ATP9B: variants seen among roughly 807,000 people sequenced by gnomAD.
ATP9B encodes the protein ATPase phospholipid transporting 9B.
ATP9B carries 110 observed loss-of-function variants against 146.1 expected under a neutral mutation model. That is an observed-to-expected ratio of 0.75 (90% CI 0.65 to 0.88). ATP9B has a LOEUF of 0.88. Among genes scored for constraint, ATP9B ranks in the 40% least tolerant of loss-of-function variants. ATP9B has a pLI of 0.00. For missense variants in ATP9B, 1,499 were observed against 1,496.4 expected (o/e 1.00, Z -0.03); for synonymous variants, 604 against 569.7 (o/e 1.06, Z -0.86).
intron 8 of ATP9B, among the ~76,000 whole-genome samples, chr18:79,183,756 A>G (rs1351936943): frequency 6.8e-6 from 1 of 147,378 alleles, no homozygotes; most frequent in Non-Finnish European, 1.5e-5. Context: ...ATTATCTACC[A>G]TTTTTGGGGG....
chr18:79,225,647 A>G (rs571050706), intron 11 of ATP9B, among the ~76,000 whole-genome samples: 160 of 149,506 alleles, frequency 1.1e-3, no homozygotes, highest in Non-Finnish European at 1.8e-3. Flanking sequence ...TGGGTCCCGC[A>G]GTCGCAGGGC....
chr18:79,185,978 C>G (rs8093172), intron 8 of ATP9B, among the ~76,000 whole-genome samples: 30,176 of 152,140 alleles, frequency 0.2, 4,017 homozygotes, highest in African/African-American at 0.39. Context: ...GTAATAATAA[C>G]TGTGCTGCAG....
At chr18:79,314,414 A>G (rs1431528891) in intron 15 of ATP9B, among the ~76,000 whole-genome samples, 2 of 152,242 alleles carry the variant, frequency 1.3e-5, no homozygotes, top group Non-Finnish European at 2.9e-5. Context: ...ACACATGTGC[A>G]TAGATGAATC....
chr18:79,241,027 CTTG>C (rs1287674787), intron 11 of ATP9B, among the ~76,000 whole-genome samples: 2 of 152,110 alleles, frequency 1.3e-5, no homozygotes, highest in African/African-American at 4.8e-5. Context: ...CACAGCAGCA[CTTG>C]TTAATTGTAA....
intron 4 of ATP9B, among the ~76,000 whole-genome samples, chr18:79,118,135 T>G (rs1193555187): frequency 3.3e-5 from 5 of 152,026 alleles, no homozygotes; most frequent in Admixed American, 6.6e-5. Flanking sequence ...TCGTTTCTCA[T>G]TTTTTACCAT....
In ATP9B at chr18:79,307,106, G is replaced by A. The variant is rs770142765; in HGVS notation, c.1645G>A (p.Val549Met). The change falls in exon 15 of 30, where the codon GTG becomes ATG. Residue 549 changes from valine (V) to methionine (M), a missense_variant. Physicochemically the swap from Val to Met is conservative, Grantham distance 21. Transcript: ENST00000426216. ...AATCCATGAAGCCGTGAAAGCCATCGTGCTGTGTCACAACGTGACCCCCGT... is the reference window on the plus strand; with the variant it reads ...AATCCATGAAGCCGTGAAAGCCATCATGCTGTGTCACAACGTGACCCCCGT... ...SRIHEAVKAI[V>M]LCHNVTPVYE... 10 of 1,614,204 alleles carry A rather than the reference G, an allele frequency of 6.2e-6. No individual in the cohort carries two copies. The highest frequency in any genetic ancestry group is 4.5e-5 in the East Asian group (2 of 44,878).
At chr18:79,266,572 T>C (rs2096206137) in intron 12 of ATP9B, among the ~76,000 whole-genome samples, 1 of 152,148 alleles carries the variant, frequency 6.6e-6, no homozygotes, top group Non-Finnish European at 1.5e-5. Context: ...CATTTAAGTA[T>C]GCTATAAGTT....
intron 2 of ATP9B, among the ~76,000 whole-genome samples, chr18:79,098,295 G>A (rs920710660): frequency 6.7e-6 from 1 of 150,204 alleles, no homozygotes; most frequent in African/African-American, 2.5e-5. Context: ...GAAAACCTAG[G>A]CATTACCATT....
intron 6 of ATP9B, chr18:79,144,410 T>C (rs991423013): frequency 1.3e-5 from 2 of 152,336 alleles, no homozygotes; most frequent in African/African-American, 4.8e-5. Flanking sequence ...TTCAGTGGGC[T>C]TGGTTTTGGG....
At chr18:79,261,350 C>T (rs536864944) in intron 12 of ATP9B, among the ~76,000 whole-genome samples, 9 of 152,212 alleles carry the variant, frequency 5.9e-5, no homozygotes, top group Non-Finnish European at 1.0e-4. Context: ...GATCTCTAAA[C>T]GAGACCATCC....
In ATP9B at chr18:79,359,422, T is replaced by C. The variant is rs146580048; in HGVS notation, c.2972T>C (p.Met991Thr). The change falls in exon 26 of 30, where the codon ATG becomes ACG. Residue 991 changes from methionine to threonine, a missense_variant. By Grantham distance (81) the Met-to-Thr change is moderately conservative. Coordinates refer to ENST00000426216, the MANE Select transcript of ATP9B (RefSeq NM_198531.5). ...LVLDQDVKPE[M>T]AMLYPELYKD... ...CTGGACCAGGACGTGAAGCCAGAGA[T>C]GGCGATGCTCTACCCGGAGCTGTAC... The C allele has an allele frequency of 3.1e-6, 5 of 1,614,050 alleles. No homozygotes were observed. In the East Asian group the frequency reaches 1.1e-4, roughly 36 times the overall value.
rs950065955 is a variant in ATP9B at position 79,290,584 on chromosome 18, C to T, written c.1412-13020C>T. The stretch of plus-strand genomic sequence containing the variant: ...GCTCTTCCCGAGTGAGGCAATGCCT[C>T]GCCCTGCTTCGGCTCGCGCAACATG... On this transcript the variant is annotated intron_variant, in intron 13 of 29. Transcript: ENST00000426216. 9.8e-5 allele frequency among the ~76,000 whole-genome samples: 15 copies of T among 152,358 alleles called. No homozygotes were observed. In the East Asian group the frequency reaches 2.5e-3, roughly 26 times the overall value.
chr18:79,176,414 G>A (rs2147942098), intron 7 of ATP9B, among the ~76,000 whole-genome samples: 1 of 152,148 alleles, frequency 6.6e-6, no homozygotes, highest in Non-Finnish European at 1.5e-5. Flanking sequence ...GGTAAATCTG[G>A]TATTTTATTA....
At chr18:79,233,817 G>A (rs191706390) in intron 11 of ATP9B, among the ~76,000 whole-genome samples, 2 of 152,242 alleles carry the variant, frequency 1.3e-5, no homozygotes, top group East Asian at 1.9e-4. Flanking sequence ...AACACAGACC[G>A]TCAATTCACC....
intron 25 of ATP9B, among the ~76,000 whole-genome samples, chr18:79,359,140 C>T (rs778409887): frequency 9.9e-5 from 15 of 152,098 alleles, no homozygotes; most frequent in Non-Finnish European, 1.9e-4. Flanking sequence ...ATTCTTCTAC[C>T]CGTAAGCATT....
intron 19 of ATP9B, 148 bp downstream of exon 19, chr18:79,337,597 C>T (rs1422011429): frequency 9.0e-7 from 1 of 1,109,264 alleles, no homozygotes; most frequent in Non-Finnish European, 1.2e-6. Flanking sequence ...TCCCCTCCTT[C>T]CTTAGGGACA....
At chr18:79,291,273 C>G (rs937755790) in intron 13 of ATP9B, among the ~76,000 whole-genome samples, 1 of 152,120 alleles carries the variant, frequency 6.6e-6, no homozygotes, top group African/African-American at 2.4e-5. Context: ...GACGTGACGG[C>G]ACTCTTACTC....
chr18:79,180,824 G>A (rs957830615), intron 8 of ATP9B, among the ~76,000 whole-genome samples: 7 of 150,750 alleles, frequency 4.6e-5, no homozygotes, highest in African/African-American at 1.5e-4. Context: ...ACAGAGTCTC[G>A]CTCTGTCACA....
intron 11 of ATP9B, among the ~76,000 whole-genome samples, chr18:79,248,479 A>C (rs1219706779): frequency 6.6e-6 from 1 of 152,228 alleles, no homozygotes; most frequent in Non-Finnish European, 1.5e-5. Context: ...AGTTAGGTTA[A>C]TGCATAGCCC....
Sources: allele counts gnomAD v4.1 joint callset (sites outside exome capture counted in the v4.1 genomes callset), GRCh38; gene constraint gnomAD v4.1.1; transcripts MANE v1.5; gene names NCBI Gene and HGNC (gene_info 2026-07-23, HGNC 2026-07-21).